SDCCAG8: variants seen among roughly 807,000 people sequenced by gnomAD.
The protein encoded by SDCCAG8 is SHH signaling and ciliogenesis regulator SDCCAG8.
Under a neutral mutation model 101.8 loss-of-function variants are expected in SDCCAG8, and 74 were observed. The ratio of observed to expected loss-of-function variants is 0.73; its 90% CI spans 0.60 to 0.88. The LOEUF is 0.88. SDCCAG8 is among the 40% of genes least tolerant of loss of function. SDCCAG8 has a pLI of 0.00. For missense variants in SDCCAG8, 787 were observed against 822.6 expected, an observed-to-expected ratio of 0.96 and a Z score of 0.53; for synonymous variants, 281 against 292.9, an observed-to-expected ratio of 0.96 and a Z score of 0.41.
chr1:243,398,756 G>T (rs915414854), intron 13 of SDCCAG8, among the ~76,000 whole-genome samples: 2 of 152,184 alleles, frequency 1.3e-5, no homozygotes, highest in Non-Finnish European at 2.9e-5. Context: ...TCATTTGATA[G>T]TCATATCACA....
chr1:243,485,542 T>A (rs1664605553), intron 16 of SDCCAG8, among the ~76,000 whole-genome samples: 1 of 152,160 alleles, frequency 6.6e-6, no homozygotes, highest in South Asian at 2.1e-4. Flanking sequence ...ATGATGGCAA[T>A]GAAATAGCCA....
intron 16 of SDCCAG8, among the ~76,000 whole-genome samples, chr1:243,429,078 G>A (rs12136239): frequency 0.17 from 25,437 of 152,170 alleles, 2,274 homozygotes; most frequent in African/African-American, 0.21. Flanking sequence ...CTTCCAAGAA[G>A]CAGAGAAAAG....
chr1:243,262,485 T>G (rs905261485), intron 1 of SDCCAG8, among the ~76,000 whole-genome samples: 6 of 152,200 alleles, frequency 3.9e-5, no homozygotes, highest in African/African-American at 1.4e-4. Flanking sequence ...TCAATTTTTC[T>G]TTCCTACTAC....
In SDCCAG8 at chr1:243,334,352, C is replaced by T. The variant is rs536736821; in HGVS notation, c.1221+3660C>T. 3.3e-5 allele frequency among the ~76,000 whole-genome samples: 5 copies of T among 152,274 alleles called. No individual in the cohort carries two copies. The South Asian group carries it at 6.2e-4, about 19-fold the overall frequency. ...GCAACCTTGAATAAAATTTAGGATC[C>T]TTTATCATAGCATGAAGACTCTACA... On this transcript the variant is annotated intron_variant, in intron 10 of 17. Transcript: ENST00000366541.
At chr1:243,377,837 T>TG in intron 12 of SDCCAG8, among the ~76,000 whole-genome samples, 1 of 151,170 alleles carries the variant, frequency 6.6e-6, no homozygotes, top group Non-Finnish European at 1.5e-5. Flanking sequence ...TTTCTTTTTT[T>TG]TTTTCTTGTT....
chr1:243,438,493 G>T (rs2082300895), intron 16 of SDCCAG8, among the ~76,000 whole-genome samples: 1 of 151,848 alleles, frequency 6.6e-6, no homozygotes, highest in South Asian at 2.1e-4. Context: ...TCTGGCTTTT[G>T]CCCATTGTTA....
At chr1:243,438,338 C>T (rs931206333) in intron 16 of SDCCAG8, among the ~76,000 whole-genome samples, 3 of 152,162 alleles carry the variant, frequency 2.0e-5, no homozygotes, top group African/African-American at 7.2e-5. Context: ...TGGCCATTTC[C>T]CCTTTCCTTG....
chr1:243,412,573 T>C (rs1159019865), intron 13 of SDCCAG8, among the ~76,000 whole-genome samples: 1 of 152,062 alleles, frequency 6.6e-6, no homozygotes, highest in African/African-American at 2.4e-5. Context: ...TTTTTTTGTG[T>C]GATTTTCTTT....
Position 243,474,729 on chromosome 1 carries a change from G to A in SDCCAG8, c.1986-14285G>A, listed in dbSNP as rs1324808893. ...GGTGGAAGGCAGGCTGGGAGCTCCC[G>A]GGACGCGGCGTGGCAGCGCAGGGCT... On this transcript the variant is annotated intron_variant, in intron 16 of 17. Transcript: ENST00000366541. This position sits in a 1 kb window ranked among gnomAD's most constrained non-coding sequence, Gnocchi z 4.7. 6.6e-6 allele frequency among the ~76,000 whole-genome samples: 1 copy of A among 152,218 alleles called. No homozygotes were observed. Among genetic ancestry groups the A allele is most frequent in the Non-Finnish European group, 1.5e-5 (1 of 68,036 alleles).
chr1:243,409,918 T>C (rs1255239031), intron 13 of SDCCAG8, among the ~76,000 whole-genome samples: 1 of 152,194 alleles, frequency 6.6e-6, no homozygotes, highest in African/African-American at 2.4e-5. Flanking sequence ...CGATGAAGAA[T>C]AGGATGTTTG....
At chr1:243,349,934 A>G (rs1365361931) in intron 12 of SDCCAG8, among the ~76,000 whole-genome samples, 1 of 152,168 alleles carries the variant, frequency 6.6e-6, no homozygotes, top group Non-Finnish European at 1.5e-5. Context: ...GGAGCAATCA[A>G]AGCAAATATT....
intron 4 of SDCCAG8, among the ~76,000 whole-genome samples, chr1:243,278,264 A>G (rs2068741425): frequency 6.6e-6 from 1 of 152,190 alleles, no homozygotes; most frequent in Non-Finnish European, 1.5e-5. Flanking sequence ...TCTGTCACCC[A>G]GGCTGGAGTG....
chr1:243,308,266 A>G (rs527931778), intron 8 of SDCCAG8, 89 bp downstream of exon 8: 2 of 1,312,118 alleles, frequency 1.5e-6, no homozygotes, highest in Non-Finnish European at 2.2e-6. Flanking sequence ...CCCTATGCTA[A>G]GTCACATGTG....
intron 16 of SDCCAG8, chr1:243,476,379 T>C (rs893345405): frequency 6.1e-6 from 6 of 984,740 alleles, no homozygotes; most frequent in Non-Finnish European, 6.0e-6. Context: ...GCTGTAGTGA[T>C]TGAATCTGGT....
intron 13 of SDCCAG8, among the ~76,000 whole-genome samples, chr1:243,405,722 G>A (rs116330491): frequency 0.012 from 1,808 of 151,810 alleles, 43 homozygotes; most frequent in African/African-American, 0.042. Context: ...GAAAATTCTC[G>A]TATGTGGAAC....
chr1:243,317,431 C>T (rs1011529893), intron 9 of SDCCAG8, among the ~76,000 whole-genome samples: 1 of 151,802 alleles, frequency 6.6e-6, no homozygotes, highest in Non-Finnish European at 1.5e-5. Context: ...AGTGATTCTC[C>T]TGCCTCAGCC....
intron 1 of SDCCAG8, among the ~76,000 whole-genome samples, chr1:243,269,764 G>A (rs772007557): frequency 2.0e-5 from 3 of 152,086 alleles, no homozygotes; most frequent in African/African-American, 4.8e-5. Context: ...AGTCAGGCAT[G>A]GTGGGAAGGA....
intron 16 of SDCCAG8, chr1:243,476,258 A>G: frequency 1.0e-6 from 1 of 985,456 alleles, no homozygotes; most frequent in Non-Finnish European, 1.2e-6. Context: ...TTTGGACAGA[A>G]GAGGAGCTAA....
intron 4 of SDCCAG8, among the ~76,000 whole-genome samples, chr1:243,280,492 G>A (rs2149276526): frequency 6.6e-6 from 1 of 151,898 alleles, no homozygotes; most frequent in East Asian, 1.9e-4. Context: ...GAATTAATTT[G>A]CTATTGGTTT....
Sources: gnomAD v4.1 joint callset for allele counts (sites outside exome capture counted in the v4.1 genomes callset) on GRCh38, gnomAD v4.1.1 for gene constraint, Gnocchi (gnomAD v3.1) non-coding constraint, MANE v1.5 for transcripts, NCBI Gene and HGNC (gene_info 2026-07-23, HGNC 2026-07-21) for gene names.